The following CHL1 variants were observed in gnomAD, a reference collection of about 807,000 sequenced individuals.
CHL1 encodes neural cell adhesion molecule L1-like protein.
A neutral mutation model predicts 141.9 loss-of-function variants in CHL1; 96 were observed. That is an observed-to-expected ratio of 0.68 (90% CI 0.57 to 0.80). CHL1 has a LOEUF of 0.80. Ranked by LOEUF, CHL1 falls within the 30% of genes least tolerant of loss-of-function variation. CHL1 has a pLI of 0.00. For synonymous variants in CHL1, 613 were observed against 502.2 expected, an observed-to-expected ratio of 1.22 and a Z score of -2.95; for missense variants, 1,820 against 1,457.2, an observed-to-expected ratio of 1.25 and a Z score of -4.05.
intron 2 of CHL1, among the ~76,000 whole-genome samples, chr3:285,376 C>G (rs1429801723): frequency 2.0e-5 from 3 of 152,266 alleles, no homozygotes; most frequent in Non-Finnish European, 1.5e-5. Context: ...AGTAGTGTCA[C>G]CAGAGGAGCC....
At chr3:399,598 C>A (rs566623005) in intron 26 of CHL1, among the ~76,000 whole-genome samples, 1 of 152,176 alleles carries the variant, frequency 6.6e-6, no homozygotes, top group Admixed American at 6.5e-5. Flanking sequence ...TGAGATCATG[C>A]CACTGTACTT....
intron 2 of CHL1, among the ~76,000 whole-genome samples, chr3:299,273 A>T (rs1258569713): frequency 2.0e-5 from 3 of 152,204 alleles, no homozygotes; most frequent in Non-Finnish European, 4.4e-5. Flanking sequence ...TTTCATCAAT[A>T]TACAAATTAA....
At chr3:348,182 A>T (rs1702928909) in intron 9 of CHL1, among the ~76,000 whole-genome samples, 1 of 152,200 alleles carries the variant, frequency 6.6e-6, no homozygotes, top group African/African-American at 2.4e-5. Context: ...AAAAAGGAAC[A>T]AGTTTAGAGT....
At chr3:264,242 A>G (rs1221661823) in intron 2 of CHL1, among the ~76,000 whole-genome samples, 1 of 152,022 alleles carries the variant, frequency 6.6e-6, no homozygotes, top group South Asian at 2.1e-4. Flanking sequence ...AAGCCCACAC[A>G]GTAAATGATA....
chr3:242,537 A>C (rs992363148), intron 1 of CHL1, among the ~76,000 whole-genome samples: 2 of 152,094 alleles, frequency 1.3e-5, no homozygotes, highest in Non-Finnish European at 1.5e-5. Context: ...CAGAGCTTGC[A>C]GTGAGCCGAG....
intron 16 of CHL1, among the ~76,000 whole-genome samples, chr3:381,299 A>G (rs915215471): frequency 2.3e-4 from 35 of 152,276 alleles, no homozygotes; most frequent in African/African-American, 8.2e-4. Context: ...ATGGGCCCAG[A>G]AAAGAAGGGT....
At chr3:227,808 C>T (rs1317930400) in intron 1 of CHL1, among the ~76,000 whole-genome samples, 2 of 152,290 alleles carry the variant, frequency 1.3e-5, no homozygotes, top group East Asian at 3.9e-4. Flanking sequence ...GCTTGCACTT[C>T]TGTTAGTGAT....
chr3:365,885 C>A, intron 14 of CHL1, 65 bp from the exon 15 acceptor site: 1 of 1,342,710 alleles, frequency 7.4e-7, no homozygotes, highest in South Asian at 1.3e-5. Context: ...ACTTAACTTG[C>A]AGGCACTTAA....
At chr3:304,841 A>G (rs1484694008) in intron 2 of CHL1, among the ~76,000 whole-genome samples, 6 of 151,842 alleles carry the variant, frequency 4.0e-5, no homozygotes, top group Non-Finnish European at 5.9e-5. Flanking sequence ...TTAGGGTGTC[A>G]ATTTTAGATC....
At chr3:284,549 G>T (rs963139373) in intron 2 of CHL1, among the ~76,000 whole-genome samples, 1 of 152,190 alleles carries the variant, frequency 6.6e-6, no homozygotes, top group Non-Finnish European at 1.5e-5. Flanking sequence ...TGACAATGCC[G>T]TGAAAACTGG....
chr3:217,576 G>C (rs1371545710), intron 1 of CHL1: 1 of 152,464 alleles, frequency 6.6e-6, no homozygotes, highest in African/African-American at 2.4e-5. Context: ...CAGAAGAGCA[G>C]AGTTCCCAGC....
At chr3:372,195 G>A (rs1305627532) in intron 15 of CHL1, among the ~76,000 whole-genome samples, 3 of 152,198 alleles carry the variant, frequency 2.0e-5, no homozygotes, top group African/African-American at 7.2e-5. Flanking sequence ...ATATCCGGAA[G>A]TGTGTTTTTC....
intron 3 of CHL1, among the ~76,000 whole-genome samples, chr3:322,531 G>A (rs1208613510): frequency 6.6e-6 from 1 of 150,382 alleles, no homozygotes; most frequent in Non-Finnish European, 1.5e-5. Context: ...ATGAGGGCTG[G>A]GCGTGGTGTC....
intron 2 of CHL1, among the ~76,000 whole-genome samples, chr3:275,490 G>T (rs1376995269): frequency 1.3e-5 from 2 of 152,094 alleles, no homozygotes; most frequent in South Asian, 2.1e-4. Context: ...CATCTCTATA[G>T]AACAAAGCCA....
intron 5 of CHL1, among the ~76,000 whole-genome samples, chr3:340,316 G>C (rs961012830): frequency 6.6e-6 from 1 of 152,062 alleles, no homozygotes; most frequent in Non-Finnish European, 1.5e-5. Context: ...TCTCCATATG[G>C]GCTGGGAAGT....
rs145116666 is a variant in CHL1, at chr3:360,307, G to A, written c.1189G>A (p.Val397Ile). The A allele has an allele frequency of 1.5e-5, 25 of 1,613,642 alleles. No individual in the cohort carries two copies. Among genetic ancestry groups the A allele is most frequent in the Non-Finnish European group, 1.4e-5 (17 of 1,179,774 alleles). The part of the protein sequence containing the change: ...VDNHPFAGDV[V>I]FPREISFTNL... The stretch of plus-strand genomic sequence containing the variant: ...AGATCATCCATTTGCTGGTGATGTT[G>A]TCTTCCCCAGGGAAATCAGTTTTAC... Residue 397 changes from valine (V) to isoleucine (I), a missense_variant, in exon 12 of 28, where the codon GTC becomes ATC. Coordinates refer to ENST00000256509, the MANE Select transcript of CHL1 (RefSeq NM_006614.4).
chr3:382,444 C>A (rs1320867727), intron 17 of CHL1, 30 bp from the exon 18 acceptor site: 10 of 1,576,272 alleles, frequency 6.3e-6, no homozygotes, highest in Non-Finnish European at 8.7e-6. Flanking sequence ...TCCATACATT[C>A]TAATATTTTT....
At chr3:401,795 T>C (rs1239846867) in intron 27 of CHL1, 97 bp downstream of exon 27, 5 of 704,630 alleles carry the variant, frequency 7.1e-6, no homozygotes, top group Non-Finnish European at 9.3e-6. Context: ...AAAGGTTACA[T>C]AACTACAATG....
At chr3:385,130 T>C (rs533313378) in intron 19 of CHL1, among the ~76,000 whole-genome samples, 111 of 152,342 alleles carry the variant, frequency 7.3e-4, no homozygotes, top group Non-Finnish European at 1.3e-3. Context: ...TAAAATGATG[T>C]TAGTCTTTTA....
Sources: gnomAD v4.1 joint callset for allele counts (sites outside exome capture counted in the v4.1 genomes callset) on GRCh38, gnomAD v4.1.1 for gene constraint, MANE v1.5 for transcripts, NCBI Gene and HGNC (gene_info 2026-07-23, HGNC 2026-07-21) for gene names.